Variants in FSTL4 observed in about 807,000 individuals in gnomAD.
The protein encoded by FSTL4 is follistatin like 4, also known as follistatin-related protein 4.
Under a neutral mutation model 78.2 loss-of-function variants are expected in FSTL4, and 28 were observed. The ratio of observed to expected loss-of-function variants is 0.36; its 90% CI spans 0.27 to 0.49. The LOEUF is 0.49. Ranked by LOEUF, FSTL4 falls within the 20% of genes least tolerant of loss-of-function variation. The pLI, the probability that FSTL4 is intolerant of heterozygous loss-of-function variation, is 0.98. For missense variants in FSTL4, 922 were observed against 1,084.9 expected, an observed-to-expected ratio of 0.85 and a Z score of 2.11; for synonymous variants, 422 against 440.5, an observed-to-expected ratio of 0.96 and a Z score of 0.53.
At chr5:133,737,693 C>T in the FSTL4 span, among the ~76,000 whole-genome samples, 1 of 151,444 alleles carries the variant, frequency 6.6e-6, no homozygotes, top group African/African-American at 2.4e-5. Context: ...CAACCTCTAC[C>T]TCCCAGGTTC....
intron 3 of FSTL4, among the ~76,000 whole-genome samples, chr5:133,442,313 C>T (rs1226388012): frequency 2.6e-5 from 4 of 152,166 alleles, no homozygotes; most frequent in Admixed American, 6.5e-5. Flanking sequence ...CACAGGCATC[C>T]CTTTCAGCTC....
chr5:133,559,335 C>A (rs1326278996), intron 3 of FSTL4, among the ~76,000 whole-genome samples: 5 of 152,172 alleles, frequency 3.3e-5, no homozygotes, highest in Non-Finnish European at 5.9e-5. Flanking sequence ...CAAAGAAATG[C>A]CTCTGGCTTG....
chr5:133,668,846 A>G, the FSTL4 span, among the ~76,000 whole-genome samples: 4 of 152,230 alleles, frequency 2.6e-5, no homozygotes, highest in African/African-American at 9.6e-5. Context: ...CATTAGATGA[A>G]TTCTGAAAAA....
the FSTL4 span, among the ~76,000 whole-genome samples, chr5:133,763,280 T>C: frequency 6.6e-6 from 1 of 152,210 alleles, no homozygotes; most frequent in Admixed American, 6.5e-5. Context: ...TGCTCTTCCA[T>C]TGAGAGTATG....
chr5:133,371,436 C>G (rs974350603), intron 4 of FSTL4, among the ~76,000 whole-genome samples: 1 of 152,174 alleles, frequency 6.6e-6, no homozygotes, highest in African/African-American at 2.4e-5. Flanking sequence ...TGGGAAAAAG[C>G]AAGCATGAGG....
chr5:133,380,171 A>G (rs931884976), intron 4 of FSTL4, among the ~76,000 whole-genome samples: 8 of 152,208 alleles, frequency 5.3e-5, no homozygotes, highest in African/African-American at 9.6e-5. Flanking sequence ...AAGCAGGGCA[A>G]GCAAGTAGTA....
the FSTL4 span, among the ~76,000 whole-genome samples, chr5:133,740,542 C>T: frequency 5.3e-5 from 8 of 152,270 alleles, no homozygotes; most frequent in South Asian, 6.2e-4. Flanking sequence ...ATCCATTCCA[C>T]GTGGTGCCAT....
At chr5:133,835,893 G>C in the FSTL4 span, among the ~76,000 whole-genome samples, 1 of 152,056 alleles carries the variant, frequency 6.6e-6, no homozygotes, top group Non-Finnish European at 1.5e-5. Context: ...ATGTTATTAG[G>C]TGCCTATAAA....
At chr5:133,625,297 T>C in the FSTL4 span, among the ~76,000 whole-genome samples, 2 of 151,832 alleles carry the variant, frequency 1.3e-5, no homozygotes, top group Non-Finnish European at 3.0e-5. Context: ...ATTTTCCTAA[T>C]AGTTATAGGA....
Position 133,225,379 on chromosome 5 carries a change from C to G in FSTL4, c.1178-95G>C. On this transcript the variant is annotated intron_variant, in intron 9 of 15. Transcript: ENST00000265342. The surrounding 1 kb of genome is among the most constrained non-coding windows in gnomAD (Gnocchi z 4.6). ...TTGAGAGTGTTAGGGCTGCCCAGCC[C>G]CTGGGCAGCCAGCAGCCCTGATTAT... The G allele has an allele frequency of 7.6e-6, 11 of 1,444,042 alleles. No individual in the cohort carries two copies. Among genetic ancestry groups the G allele is most frequent in the Non-Finnish European group, 9.6e-6 (10 of 1,042,578 alleles). The allele number at this position is 1,444,042 out of a possible 1,614,324, so 89.5% of individuals were successfully genotyped here.
the FSTL4 span, among the ~76,000 whole-genome samples, chr5:133,753,529 T>C: frequency 1.3e-5 from 2 of 152,162 alleles, no homozygotes; most frequent in South Asian, 2.1e-4. Context: ...GACACTTATA[T>C]GGGAAACTGA....
At chr5:133,601,266 C>T (rs1030508596) in intron 2 of FSTL4, among the ~76,000 whole-genome samples, 1 of 152,278 alleles carries the variant, frequency 6.6e-6, no homozygotes, top group African/African-American at 2.4e-5. Flanking sequence ...CTTAAAAATG[C>T]ATCAAACCTC....
At chr5:133,306,587 C>T (rs956634536) in intron 6 of FSTL4, among the ~76,000 whole-genome samples, 2 of 152,234 alleles carry the variant, frequency 1.3e-5, no homozygotes, top group African/African-American at 4.8e-5. Flanking sequence ...TGATGCTTCT[C>T]TACCAAGGGC....
chr5:133,839,598 A>G, the FSTL4 span, among the ~76,000 whole-genome samples: 1 of 152,208 alleles, frequency 6.6e-6, no homozygotes, highest in African/African-American at 2.4e-5. Flanking sequence ...GAACATGCAA[A>G]CATTGTACAG....
At chr5:133,841,168 G>C in the FSTL4 span, among the ~76,000 whole-genome samples, 1 of 152,188 alleles carries the variant, frequency 6.6e-6, no homozygotes, top group Non-Finnish European at 1.5e-5. Context: ...TGACCCACTG[G>C]GATGGGGGCA....
the FSTL4 span, among the ~76,000 whole-genome samples, chr5:133,629,062 G>A: frequency 2.0e-5 from 3 of 149,068 alleles, no homozygotes; most frequent in African/African-American, 7.5e-5. Flanking sequence ...TTTTCAAAGG[G>A]AATGCTTCCA....
At chr5:133,811,998 C>G in the FSTL4 span, among the ~76,000 whole-genome samples, 2 of 152,188 alleles carry the variant, frequency 1.3e-5, no homozygotes, top group South Asian at 4.1e-4. Context: ...ATTCATTTCC[C>G]CCACCCAGGC....
chr5:133,739,064 G>A, the FSTL4 span, among the ~76,000 whole-genome samples: 6 of 152,092 alleles, frequency 3.9e-5, 1 homozygote, highest in South Asian at 1.2e-3. Context: ...GCCCCTCAGA[G>A]CCCACAGCTG....
At chr5:133,312,334 T>G (rs561282885) in intron 6 of FSTL4, 1 of 273,082 alleles carries the variant, frequency 3.7e-6, no homozygotes, top group African/African-American at 2.2e-5. Flanking sequence ...AAAATCTGCT[T>G]CCTTCTCCTT....
Sources: allele counts gnomAD v4.1 joint callset (sites outside exome capture counted in the v4.1 genomes callset), GRCh38; gene constraint gnomAD v4.1.1; non-coding constraint Gnocchi (gnomAD v3.1); transcripts MANE v1.5; gene names NCBI Gene and HGNC (gene_info 2026-07-23, HGNC 2026-07-21).